The following CLK3 variants were observed in gnomAD, a reference collection of about 807,000 sequenced individuals.
The protein encoded by CLK3 is dual specificity protein kinase CLK3.
Under a neutral mutation model 65.2 loss-of-function variants are expected in CLK3, and 24 were observed. That is an observed-to-expected ratio of 0.37 (90% confidence interval 0.27 to 0.52). The LOEUF (loss-of-function observed/expected upper bound fraction) is 0.52. CLK3 is among the 20% of genes least tolerant of loss of function. The probability of loss-of-function intolerance (pLI) is 0.92; values close to 1 mark genes in which losing one functional copy is unlikely to be tolerated. For missense variants in CLK3, 506 were observed against 660.0 expected, an observed-to-expected ratio of 0.77 and a Z score of 2.56; for synonymous variants, 252 against 240.8, an observed-to-expected ratio of 1.05 and a Z score of -0.43.
Position 74,623,018 on chromosome 15 carries a change from C to T in CLK3, c.533+458C>T, listed in dbSNP as rs571378060. ...CTGTGCAGATCTCAGTCGAGAGAAA[C>T]ATGACCCTGGGCTTTCTCACCAAGC... On this transcript the variant is annotated intron_variant, in intron 5 of 12. Coordinates refer to ENST00000395066, the MANE Select transcript of CLK3 (RefSeq NM_001130028.2). Among the ~76,000 whole-genome samples the T allele has an allele frequency of 1.4e-4, 22 of 152,124 alleles. No individual in the cohort carries two copies. In the South Asian group the frequency reaches 4.4e-3, roughly 30 times the overall value.
chr15:74,620,474 C>T (rs957533431), intron 3 of CLK3: 26 of 604,668 alleles, frequency 4.3e-5, no homozygotes, highest in Admixed American at 3.6e-4. Flanking sequence ...TGGCCCCTGG[C>T]CTGTCTATGT....
Position 74,629,964 on chromosome 15 carries a change from C to T in CLK3, c.*81C>T. 2 of 1,397,920 alleles carry T rather than the reference C, an allele frequency of 1.4e-6. No individual in the cohort carries two copies. Among genetic ancestry groups the T allele is most frequent in the East Asian group, 5.0e-5 (2 of 40,198 alleles). 86.6% of individuals were successfully genotyped at this position (1,397,920 alleles called of 1,614,324 possible). ...TTGACTCCAGCCTCGACCGCCAGGC[C>T]CCAGGCCAGAGCCACCCAATGAACA... On this transcript the variant is annotated 3_prime_UTR_variant, in exon 13 of 13. Transcript: ENST00000395066.
Position 74,622,115 on chromosome 15 carries a change from T to C in CLK3, c.370-5T>C. 1 of 1,613,992 alleles carries C rather than the reference T, an allele frequency of 6.2e-7. No homozygotes were observed. The highest frequency in any genetic ancestry group is 1.1e-5 in the South Asian group (1 of 91,078). On this transcript the variant is annotated splice_polypyrimidine_tract_variant and splice_region_variant and intron_variant, in intron 3 of 12. Coordinates refer to ENST00000395066, the MANE Select transcript of CLK3 (RefSeq NM_001130028.2). This position sits in a 1 kb window ranked among gnomAD's most constrained non-coding sequence, Gnocchi z 4.6. ...GGATGGCGTTTCGGGGGGCGGTGCA[T>C]GCAGAGAAGCCAACAGAGCAGTAAG...
chr15:74,625,783 G>A lies in CLK3; in HGVS notation c.651-19G>A, dbSNP rs200628894. 1.9e-6 allele frequency: 3 copies of A among 1,613,360 alleles called. No individual in the cohort carries two copies. The South Asian group carries it at 3.3e-5, about 18-fold the overall frequency. On this transcript the variant is annotated intron_variant, in intron 6 of 12. Coordinates refer to ENST00000395066, the MANE Select transcript of CLK3 (RefSeq NM_001130028.2). ...GCCCCCAGCACACAGCCTGAGCCCT[G>A]CCCATCCTCCTCCTCCAGCCTGTGT...
Position 74,627,433 on chromosome 15 carries a change from A to T in CLK3, c.899A>T (p.Tyr300Phe). Residue 300 changes from tyrosine to phenylalanine, a missense_variant, in exon 8 of 13, where the codon TAC (tyrosine) becomes TTC (phenylalanine). Coordinates refer to ENST00000395066, the MANE Select transcript of CLK3 (RefSeq NM_001130028.2). This position sits in a 1 kb window ranked among gnomAD's most constrained non-coding sequence, Gnocchi z 4.3. The part of the protein sequence containing the change: ...LFVNSEFETL[Y>F]NEHKSCEEKS... ...GTGAATTCTGAGTTTGAAACCCTCT[A>T]CAATGAGCACAAGGTATTGGTGGGG... 2.5e-6 allele frequency: 4 copies of T among 1,614,136 alleles called. No individual in the cohort carries two copies. Among genetic ancestry groups the T allele is most frequent in the Non-Finnish European group, 3.4e-6 (4 of 1,179,948 alleles).
intron 1 of CLK3, among the ~76,000 whole-genome samples, chr15:74,617,969 G>A (rs889437712): frequency 1.3e-5 from 2 of 152,234 alleles, no homozygotes; most frequent in African/African-American, 4.8e-5. Context: ...AGTTAGTGGG[G>A]AGATGGAGGG....
chr15:74,615,331 C>A, upstream of CLK3: 1 of 963,480 alleles, frequency 1.0e-6, no homozygotes, highest in Non-Finnish European at 1.3e-6. Context: ...TTCAAAAAAC[C>A]CGCACACACC....
chr15:74,627,034 C>T lies in CLK3; in HGVS notation c.818-318C>T, dbSNP rs564615941. The stretch of plus-strand genomic sequence containing the variant: ...TGGTGCAGGGAAGAGGGAACCACCT[C>T]GAGGCTGTTGCTGTAGCTCTGCTGA... On this transcript the variant is annotated intron_variant, in intron 7 of 12. Transcript: ENST00000395066. The surrounding 1 kb of genome is among the most constrained non-coding windows in gnomAD (Gnocchi z 4.3). 2.3e-4 allele frequency: 117 copies of T among 505,796 alleles called. No individual in the cohort carries two copies. The highest frequency in any genetic ancestry group is 2.0e-3 in the African/African-American group (106 of 52,188). The allele number at this position is 505,796 out of a possible 1,614,324, so 31.3% of individuals were successfully genotyped here.
upstream of CLK3, chr15:74,615,731 G>A: frequency 8.1e-7 from 1 of 1,238,850 alleles, no homozygotes; most frequent in African/African-American, 1.5e-5. Context: ...CGGAGCCTTC[G>A]AGTCGGGGGC....
At position 74,627,713 on chromosome 15, in the gene CLK3, T is replaced by G. The variant is rs1351389551; in HGVS notation, c.1042+45T>G. ...GTGACCTTGTCATACTGGACTGTTG[T>G]TGGGAGGGTATGAGCAGAGGCAGTG... is the stretch of plus-strand genomic sequence containing the variant. On this transcript the variant is annotated intron_variant, in intron 9 of 12. Coordinates refer to ENST00000395066, the MANE Select transcript of CLK3 (RefSeq NM_001130028.2). This position sits in a 1 kb window ranked among gnomAD's most constrained non-coding sequence, Gnocchi z 4.3. 2 of 1,610,932 alleles carry G rather than the reference T, an allele frequency of 1.2e-6. No homozygotes were observed. The highest frequency in any genetic ancestry group is 1.3e-5 in the African/African-American group (1 of 74,954).
intron 1 of CLK3, among the ~76,000 whole-genome samples, chr15:74,618,610 C>T (rs978485353): frequency 1.3e-5 from 2 of 152,194 alleles, no homozygotes; most frequent in Admixed American, 1.3e-4. Flanking sequence ...GTGCCTCTTT[C>T]TCCAAGGGCT....
chr15:74,625,975 G>A lies in CLK3; in HGVS notation c.817+7G>A, dbSNP rs375375016. 6.8e-5 allele frequency: 109 copies of A among 1,613,556 alleles called. No individual in the cohort carries two copies. In the East Asian group the frequency reaches 1.4e-3, roughly 20 times the overall value. ...CTCTGCCACGCCCTTAGATGTAAGT[G>A]TCCACCCTCAAAAGAAGCATGGGCA... On this transcript the variant is annotated splice_region_variant and intron_variant, in intron 7 of 12. Transcript: ENST00000395066.
chr15:74,615,626 G>A (rs763892227), upstream of CLK3: 120 of 1,252,254 alleles, frequency 9.6e-5, no homozygotes, highest in Middle Eastern at 3.0e-4. Context: ...CCGCGACACG[G>A]CGGGAGGCGG....
intron 3 of CLK3, 184 bp downstream of exon 3, chr15:74,620,409 G>C (rs2062092721): frequency 1.2e-6 from 1 of 809,378 alleles, no homozygotes; most frequent in Non-Finnish European, 1.9e-6. Context: ...CCTGGCCTCT[G>C]TGTCTTCTGG....
At chr15:74,619,128 C>G in intron 1 of CLK3, 69 bp from the exon 2 acceptor site, 1 of 1,584,674 alleles carries the variant, frequency 6.3e-7, no homozygotes, top group Non-Finnish European at 8.6e-7. Context: ...ACCGGGAAGC[C>G]CCAGCAGCCC....
At position 74,624,710 on chromosome 15, in the gene CLK3, C is replaced by T; in HGVS notation, c.534-192C>T. On this transcript the variant is annotated intron_variant, in intron 5 of 12. Transcript: ENST00000395066. This position sits in a 1 kb window ranked among gnomAD's most constrained non-coding sequence, Gnocchi z 4.2. Reference sequence around the variant, plus strand: ...ATGCTAAGAGCATTAACTCACAGATCTCAGGGAGCTTGCTGTTGGGTGGGC... The same window carrying T: ...ATGCTAAGAGCATTAACTCACAGATTTCAGGGAGCTTGCTGTTGGGTGGGC... 1 of 604,558 alleles carries T rather than the reference C, an allele frequency of 1.7e-6. No homozygotes were observed. The highest frequency in any genetic ancestry group is 3.0e-6 in the Non-Finnish European group (1 of 333,680). 37.4% of individuals were successfully genotyped at this position (604,558 alleles called of 1,614,324 possible).
rs1169855361 is a variant in CLK3, at chr15:74,622,299, C to G, written c.466+83C>G. The G allele has an allele frequency of 1.5e-6, 2 of 1,356,656 alleles. No individual in the cohort carries two copies. The highest frequency in any genetic ancestry group is 1.3e-5 in the South Asian group (1 of 78,030). 84.0% of individuals were successfully genotyped at this position (1,356,656 alleles called of 1,614,324 possible). Reference sequence around the variant, plus strand: ...AGACCTCTCCTGCCTGGAGGGGCCTCTAGTGCGCGTGGTGCCTTAGCGGGG... The same window carrying G: ...AGACCTCTCCTGCCTGGAGGGGCCTGTAGTGCGCGTGGTGCCTTAGCGGGG... On this transcript the variant is annotated intron_variant, in intron 4 of 12. Coordinates refer to ENST00000395066, the MANE Select transcript of CLK3 (RefSeq NM_001130028.2). This position sits in a 1 kb window ranked among gnomAD's most constrained non-coding sequence, Gnocchi z 4.6.
chr15:74,619,725 C>T (rs745795955), intron 2 of CLK3, among the ~76,000 whole-genome samples: 1 of 152,138 alleles, frequency 6.6e-6, no homozygotes. Flanking sequence ...TGCAGCAGGC[C>T]ACAGGGAACT....
intron 10 of CLK3, 97 bp downstream of exon 10, chr15:74,628,149 G>C: frequency 3.7e-6 from 3 of 801,520 alleles, no homozygotes; most frequent in Non-Finnish European, 6.6e-6. Context: ...TGAGAAGACA[G>C]GTGTCTTCCT....
Sources: gnomAD v4.1 joint callset for allele counts (sites outside exome capture counted in the v4.1 genomes callset) on GRCh38, gnomAD v4.1.1 for gene constraint, Gnocchi (gnomAD v3.1) non-coding constraint, MANE v1.5 for transcripts, NCBI Gene and HGNC (gene_info 2026-07-23, HGNC 2026-07-21) for gene names.